The following EXOC2 variants were observed in gnomAD, a reference collection of about 807,000 sequenced individuals.
EXOC2 encodes the protein exocyst complex component 2.
A neutral mutation model predicts 131.8 loss-of-function variants in EXOC2; 70 were observed. The observed-to-expected ratio is 0.53, with a 90% CI of 0.44 to 0.65. The LOEUF (loss-of-function observed/expected upper bound fraction) is 0.65. Among genes scored for constraint, EXOC2 ranks in the 30% least tolerant of loss-of-function variants. The probability of loss-of-function intolerance (pLI) is 0.00; values close to 1 mark genes in which losing one functional copy is unlikely to be tolerated. For missense variants in EXOC2, 923 were observed against 1,108.6 expected, an observed-to-expected ratio of 0.83 and a Z score of 2.38; for synonymous variants, 411 against 398.4, an observed-to-expected ratio of 1.03 and a Z score of -0.38.
At chr6:541,033 A>G (rs1317991452) in intron 22 of EXOC2, among the ~76,000 whole-genome samples, 1 of 152,232 alleles carries the variant, frequency 6.6e-6, no homozygotes, top group East Asian at 1.9e-4. Context: ...CCAAAACGTA[A>G]GGACACGATC....
chr6:590,937 C>G (rs1359339169), intron 11 of EXOC2, among the ~76,000 whole-genome samples: 1 of 152,192 alleles, frequency 6.6e-6, no homozygotes, highest in Non-Finnish European at 1.5e-5. Flanking sequence ...GTCAAGCTGT[C>G]CAAACAAAGA....
chr6:692,198 A>AT (rs2127827624), intron 1 of EXOC2, among the ~76,000 whole-genome samples: 1 of 152,388 alleles, frequency 6.6e-6, no homozygotes, highest in Non-Finnish European at 1.5e-5. Flanking sequence ...TTACTCACAG[A>AT]TTCATAAAGG....
chr6:541,633 T>C (rs772643471), intron 22 of EXOC2, among the ~76,000 whole-genome samples: 3 of 151,950 alleles, frequency 2.0e-5, no homozygotes, highest in African/African-American at 4.8e-5. Flanking sequence ...GCAGCTGAGG[T>C]TGAAGTAATA....
chr6:510,436 C>T (rs1259930062), intron 23 of EXOC2, among the ~76,000 whole-genome samples: 2 of 152,026 alleles, frequency 1.3e-5, no homozygotes, highest in African/African-American at 4.8e-5. Flanking sequence ...TGATCAATCT[C>T]AATAGGAAAA....
rs1474967129 is a variant in EXOC2 at position 486,671 on chromosome 6, T to G, written c.2775A>C (p.Ter925TyrextTer5). 2.5e-6 allele frequency: 4 copies of G among 1,613,734 alleles called. No individual in the cohort carries two copies. Among genetic ancestry groups the G allele is most frequent in the Non-Finnish European group, 2.5e-6 (3 of 1,179,594 alleles). Residue 925 changes from the stop codon to tyrosine, a stop_lost, in exon 28 of 28, where the codon TAA (stop) becomes TAC (tyrosine). Transcript: ENST00000230449. ...TGGACTTCTTTTATGTGGCAGATAT[T>G]TATGTTTTCATCATGGTTGAAGAAG... ...QAASSTMMKT[*>Y]
chr6:626,887 C>A (rs1431555712), intron 4 of EXOC2, among the ~76,000 whole-genome samples: 1 of 152,190 alleles, frequency 6.6e-6, no homozygotes, highest in Non-Finnish European at 1.5e-5. Context: ...GCCACCACGC[C>A]CGGCCGCAAA....
At chr6:605,573 T>C (rs1760362851) in intron 7 of EXOC2, among the ~76,000 whole-genome samples, 1 of 152,194 alleles carries the variant, frequency 6.6e-6, no homozygotes, top group East Asian at 1.9e-4. Flanking sequence ...TTTTATTGCA[T>C]CTATTTGATT....
At chr6:569,630 T>A (rs1758160286) in intron 13 of EXOC2, among the ~76,000 whole-genome samples, 1 of 152,230 alleles carries the variant, frequency 6.6e-6, no homozygotes, top group Non-Finnish European at 1.5e-5. Context: ...TGTCCCCAGC[T>A]CCTCTGCTCC....
chr6:657,225 T>A, intron 1 of EXOC2: 1 of 327,738 alleles, frequency 3.1e-6, no homozygotes, highest in Non-Finnish European at 5.5e-6. Flanking sequence ...AGAGTAGGCA[T>A]TCCACTGCTG....
intron 1 of EXOC2, among the ~76,000 whole-genome samples, chr6:670,581 C>A (rs1052919769): frequency 6.6e-6 from 1 of 151,944 alleles, no homozygotes; most frequent in African/African-American, 2.4e-5. Flanking sequence ...CAAATTAAAT[C>A]CACAGAATGC....
intron 10 of EXOC2, among the ~76,000 whole-genome samples, chr6:597,417 C>T (rs1581521860): frequency 6.6e-6 from 1 of 152,062 alleles, no homozygotes; most frequent in Non-Finnish European, 1.5e-5. Context: ...CCTAGTGATC[C>T]GCCCGCCTCA....
At chr6:605,599 CTTT>C (rs1760364604) in intron 7 of EXOC2, among the ~76,000 whole-genome samples, 1 of 152,040 alleles carries the variant, frequency 6.6e-6, no homozygotes. Context: ...CTCTTTTCTT[CTTT>C]ATTAGTCTTG....
intron 26 of EXOC2, 128 bp from the exon 27 acceptor site, chr6:489,166 A>C: frequency 3.5e-6 from 3 of 864,598 alleles, no homozygotes; most frequent in Non-Finnish European, 5.2e-6. Flanking sequence ...GAGAAAAAGT[A>C]AAAGTGAAAA....
intron 2 of EXOC2, among the ~76,000 whole-genome samples, chr6:636,361 A>C (rs1280188465): frequency 6.6e-6 from 1 of 152,232 alleles, no homozygotes; most frequent in Non-Finnish European, 1.5e-5. Context: ...ATGTTTACTA[A>C]ACAATCAAAA....
chr6:680,726 A>C (rs946747464), intron 1 of EXOC2, among the ~76,000 whole-genome samples: 3 of 152,094 alleles, frequency 2.0e-5, no homozygotes, highest in Non-Finnish European at 2.9e-5. Flanking sequence ...CTGTAAATTA[A>C]CTATCTTAAG....
intron 23 of EXOC2, among the ~76,000 whole-genome samples, chr6:510,313 C>T (rs1422252190): frequency 6.6e-6 from 1 of 152,122 alleles, no homozygotes; most frequent in Non-Finnish European, 1.5e-5. Context: ...GGAAAGGACA[C>T]CCTTCCTATG....
intron 23 of EXOC2, among the ~76,000 whole-genome samples, chr6:503,991 A>G (rs7774767): frequency 0.012 from 1,775 of 152,262 alleles, 15 homozygotes; most frequent in African/African-American, 0.021. Flanking sequence ...CTGTGGGAGG[A>G]TGTCAGCTCT....
intron 6 of EXOC2, among the ~76,000 whole-genome samples, chr6:616,929 G>A (rs538068554): frequency 1.7e-4 from 26 of 151,834 alleles, no homozygotes; most frequent in African/African-American, 5.5e-4. Context: ...TTAGTAGAGA[G>A]GGAGGAGGGG....
chr6:579,378 C>G (rs1385025421), intron 11 of EXOC2, among the ~76,000 whole-genome samples: 1 of 152,074 alleles, frequency 6.6e-6, no homozygotes, highest in Non-Finnish European at 1.5e-5. Context: ...TTTTCTATAT[C>G]AGGAAAACAA....
Sources: allele counts gnomAD v4.1 joint callset (sites outside exome capture counted in the v4.1 genomes callset), GRCh38; gene constraint gnomAD v4.1.1; transcripts MANE v1.5; gene names NCBI Gene and HGNC (gene_info 2026-07-23, HGNC 2026-07-21).